The following ITGA9 variants were observed in gnomAD, a reference collection of about 807,000 sequenced individuals.
ITGA9 encodes the protein integrin subunit alpha 9.
A neutral mutation model predicts 127.8 loss-of-function variants in ITGA9; 56 were observed. That is an observed-to-expected ratio of 0.44 (90% confidence interval 0.35 to 0.55). The LOEUF is 0.55. Among genes scored for constraint, ITGA9 ranks in the 20% least tolerant of loss-of-function variants. The probability of loss-of-function intolerance (pLI) is 0.00; values close to 1 mark genes in which losing one functional copy is unlikely to be tolerated. For missense variants in ITGA9, 1,196 were observed against 1,347.1 expected, an observed-to-expected ratio of 0.89 and a Z score of 1.76; for synonymous variants, 508 against 514.5, an observed-to-expected ratio of 0.99 and a Z score of 0.17.
chr3:37,744,100 C>T, intron 22 of ITGA9, 66 bp downstream of exon 22: 2 of 1,044,216 alleles, frequency 1.9e-6, no homozygotes, highest in South Asian at 1.3e-5. Context: ...GATGTCTCTC[C>T]TACAGAGGGC....
Position 37,796,911 on chromosome 3 carries a change from G to A in ITGA9, c.2890-6912G>A, listed in dbSNP as rs576927319. ...GGAAGATTTATCATTACCTTAAAGA[G>A]TGAGAAGGACCTAGAACTGGGACTC... On this transcript the variant is annotated intron_variant, in intron 26 of 27. Transcript: ENST00000264741. 2.0e-5 allele frequency among the ~76,000 whole-genome samples: 3 copies of A among 152,280 alleles called. No homozygotes were observed. In the East Asian group the frequency reaches 5.8e-4, roughly 29 times the overall value.
intron 15 of ITGA9, among the ~76,000 whole-genome samples, chr3:37,554,409 G>A (rs1337553016): frequency 2.0e-5 from 3 of 151,982 alleles, no homozygotes; most frequent in Non-Finnish European, 4.4e-5. Context: ...AGTGATGGTT[G>A]TGAGCGGGTC....
At chr3:37,538,305 C>A (rs561888388) in intron 14 of ITGA9, among the ~76,000 whole-genome samples, 1 of 152,354 alleles carries the variant, frequency 6.6e-6, no homozygotes, top group African/African-American at 2.4e-5. Flanking sequence ...TGAGAGACAG[C>A]TGGCTCCCTC....
At position 37,818,487 on chromosome 3, in the gene ITGA9, T is replaced by G. The variant is rs551925808; in HGVS notation, c.3010-404T>G. 1.9e-4 allele frequency: 41 copies of G among 219,488 alleles called. No individual in the cohort carries two copies. In the South Asian group the frequency reaches 2.5e-3, roughly 14 times the overall value. The allele number at this position is 219,488 out of a possible 1,614,324, so 13.6% of individuals were successfully genotyped here. ...CATGTTGGCCAGGCTGCTCTCAAACTCCTGACCTCAAGTGATCTGCCTGTC... is the reference window on the plus strand; with the variant it reads ...CATGTTGGCCAGGCTGCTCTCAAACGCCTGACCTCAAGTGATCTGCCTGTC... On this transcript the variant is annotated intron_variant, in intron 27 of 27. Coordinates refer to ENST00000264741, the MANE Select transcript of ITGA9 (RefSeq NM_002207.3).
chr3:37,597,396 G>A lies in ITGA9; in HGVS notation c.1690-31791G>A, dbSNP rs1397285302. On this transcript the variant is annotated intron_variant, in intron 15 of 27. Coordinates refer to ENST00000264741, the MANE Select transcript of ITGA9 (RefSeq NM_002207.3). This position sits in a 1 kb window ranked among gnomAD's most constrained non-coding sequence, Gnocchi z 4.6. The stretch of plus-strand genomic sequence containing the variant: ...GCAGGATAGGTGACAGATATGAAAC[G>A]ATAAATGTGGAGGCAGGGAGACCAG... Among the ~76,000 whole-genome samples the A allele has an allele frequency of 6.6e-6, 1 of 152,044 alleles. No individual in the cohort carries two copies. Among genetic ancestry groups the A allele is most frequent in the Non-Finnish European group, 1.5e-5 (1 of 67,998 alleles).
At chr3:37,787,715 C>G (rs528049081) in intron 26 of ITGA9, among the ~76,000 whole-genome samples, 1 of 152,336 alleles carries the variant, frequency 6.6e-6, no homozygotes, top group East Asian at 1.9e-4. Flanking sequence ...GAATGCCTGG[C>G]CTTCTGTCAA....
intron 18 of ITGA9, among the ~76,000 whole-genome samples, chr3:37,694,111 G>A (rs1023925774): frequency 2.6e-5 from 4 of 152,078 alleles, no homozygotes; most frequent in Non-Finnish European, 4.4e-5. Flanking sequence ...CCTGTATAAC[G>A]CCAGGTAGAA....
At chr3:37,483,373 T>C (rs1336062320) in intron 4 of ITGA9, among the ~76,000 whole-genome samples, 1 of 152,172 alleles carries the variant, frequency 6.6e-6, no homozygotes, top group Non-Finnish European at 1.5e-5. Context: ...CTGAGGTCTT[T>C]ACACATTCTC....
chr3:37,692,397 T>A (rs1700840367), intron 18 of ITGA9, among the ~76,000 whole-genome samples: 1 of 139,272 alleles, frequency 7.2e-6, no homozygotes, highest in South Asian at 2.3e-4. Flanking sequence ...TAATGAAGGA[T>A]TGAGAGAGAG....
intron 3 of ITGA9, among the ~76,000 whole-genome samples, chr3:37,476,665 C>G (rs1437357696): frequency 2.0e-5 from 3 of 152,164 alleles, no homozygotes; most frequent in Non-Finnish European, 4.4e-5. Context: ...TCTTTCTTCC[C>G]CTGTATGGGC....
intron 27 of ITGA9, among the ~76,000 whole-genome samples, chr3:37,810,843 C>A (rs563999396): frequency 3.3e-4 from 51 of 152,358 alleles, no homozygotes; most frequent in African/African-American, 1.2e-3. Flanking sequence ...CACTGTGGTG[C>A]TACTGTTTAC....
At chr3:37,758,063 C>T (rs539173061) in intron 23 of ITGA9, among the ~76,000 whole-genome samples, 8 of 151,654 alleles carry the variant, frequency 5.3e-5, no homozygotes, top group East Asian at 1.9e-4. Flanking sequence ...GTGGCTCACG[C>T]CTGTAATCCC....
chr3:37,667,700 G>C (rs1219194410), intron 17 of ITGA9, among the ~76,000 whole-genome samples: 1 of 152,226 alleles, frequency 6.6e-6, no homozygotes, highest in Non-Finnish European at 1.5e-5. Context: ...AGTTCTTCCA[G>C]GTTGGGGGAT....
chr3:37,727,680 C>G (rs1007860621), intron 18 of ITGA9, among the ~76,000 whole-genome samples: 3 of 152,170 alleles, frequency 2.0e-5, no homozygotes, highest in Non-Finnish European at 4.4e-5. Context: ...GTGAATTTTC[C>G]TACTATTTCA....
intron 2 of ITGA9, among the ~76,000 whole-genome samples, chr3:37,471,518 C>A (rs769455974): frequency 6.6e-6 from 1 of 152,132 alleles, no homozygotes; most frequent in African/African-American, 2.4e-5. Flanking sequence ...GTGCAGGAAG[C>A]ACAGCCTTCA....
intron 2 of ITGA9, among the ~76,000 whole-genome samples, chr3:37,472,271 G>A (rs1698440973): frequency 1.3e-5 from 2 of 152,170 alleles, no homozygotes; most frequent in Non-Finnish European, 2.9e-5. Context: ...AGATAATACA[G>A]GTGAGTACAC....
intron 15 of ITGA9, among the ~76,000 whole-genome samples, chr3:37,618,526 C>T (rs1187575833): frequency 6.6e-6 from 1 of 152,242 alleles, no homozygotes; most frequent in African/African-American, 2.4e-5. Flanking sequence ...GAGGTTTCTG[C>T]TGCCTTTTGT....
chr3:37,498,791 G>A (rs1167094804), intron 5 of ITGA9, among the ~76,000 whole-genome samples: 2 of 152,212 alleles, frequency 1.3e-5, no homozygotes, highest in Non-Finnish European at 2.9e-5. Context: ...CAGTTCCCAG[G>A]CTTTTGGCCT....
chr3:37,662,790 A>G (rs1371900372), intron 17 of ITGA9, among the ~76,000 whole-genome samples: 1 of 152,192 alleles, frequency 6.6e-6, no homozygotes, highest in Non-Finnish European at 1.5e-5. Context: ...AGTCGAAGCA[A>G]AGGGGTCACA....
Sources: allele counts gnomAD v4.1 joint callset (sites outside exome capture counted in the v4.1 genomes callset), GRCh38; gene constraint gnomAD v4.1.1; non-coding constraint Gnocchi (gnomAD v3.1); transcripts MANE v1.5; gene names NCBI Gene and HGNC (gene_info 2026-07-23, HGNC 2026-07-21).